COG7: variants seen among roughly 807,000 people sequenced by gnomAD.
The protein encoded by COG7 is conserved oligomeric Golgi complex subunit 7.
A neutral mutation model predicts 91.5 loss-of-function variants in COG7; 49 were observed. The observed-to-expected ratio is 0.54, with a 90% CI of 0.43 to 0.68. The LOEUF is 0.68. Ranked by LOEUF, COG7 falls within the 30% of genes least tolerant of loss-of-function variation. The pLI is 0.00. For synonymous variants in COG7, 365 were observed against 388.7 expected (o/e 0.94, Z 0.72); for missense variants, 895 against 961.3 (o/e 0.93, Z 0.91).
intron 6 of COG7, among the ~76,000 whole-genome samples, chr16:23,429,103 C>T (rs978833789): frequency 3.3e-5 from 5 of 152,126 alleles, no homozygotes; most frequent in African/African-American, 1.2e-4. Context: ...GATCCTCCCA[C>T]CTCAGCCTCC....
At chr16:23,427,690 G>A (rs528951768) in intron 6 of COG7, among the ~76,000 whole-genome samples, 1 of 152,050 alleles carries the variant, frequency 6.6e-6, no homozygotes, top group African/African-American at 2.4e-5. Context: ...ATTGAACCAG[G>A]ATGAAAACTG....
At chr16:23,437,999 C>A (rs902358262) in intron 4 of COG7, among the ~76,000 whole-genome samples, 5 of 150,620 alleles carry the variant, frequency 3.3e-5, no homozygotes, top group African/African-American at 9.8e-5. Flanking sequence ...GCAGGAGAAT[C>A]GCTTGAACCC....
chr16:23,419,182 G>T lies in COG7; in HGVS notation c.1010-355C>A, dbSNP rs1963709006. 2.0e-5 allele frequency among the ~76,000 whole-genome samples: 3 copies of T among 152,030 alleles called. No individual in the cohort carries two copies. The South Asian group carries it at 6.2e-4, about 32-fold the overall frequency. On this transcript the variant is annotated intron_variant, in intron 7 of 16. Transcript: ENST00000307149. ...ACACTTTGGGAGGCCGAGGCGGGCG[G>T]ATCAACTGAGGTCAGAAGTTTGAGA...
intron 6 of COG7, among the ~76,000 whole-genome samples, chr16:23,427,288 G>A (rs886560635): frequency 3.3e-5 from 5 of 151,888 alleles, no homozygotes; most frequent in Non-Finnish European, 7.4e-5. Context: ...AACCAGGCTA[G>A]GCGCGGCGGC....
intron 12 of COG7, 120 bp downstream of exon 12, chr16:23,405,956 A>T: frequency 1.2e-6 from 1 of 852,580 alleles, no homozygotes; most frequent in East Asian, 2.4e-5. Flanking sequence ...GAGAGGTAGT[A>T]GCAGGGTACG....
intron 4 of COG7, among the ~76,000 whole-genome samples, chr16:23,435,729 T>C (rs530933364): frequency 6.6e-6 from 1 of 152,368 alleles, no homozygotes; most frequent in Admixed American, 6.5e-5. Context: ...ATTTGCTCTG[T>C]TCCCCTTCAC....
At chr16:23,444,225 G>GT (rs1241896170) in intron 3 of COG7, among the ~76,000 whole-genome samples, 5 of 151,636 alleles carry the variant, frequency 3.3e-5, no homozygotes, top group Admixed American at 3.3e-4. Flanking sequence ...TTATTCCTGT[G>GT]TAATAAATTT....
Position 23,413,483 on chromosome 16 carries a change from G to A in COG7, c.1374C>T (p.Phe458=), listed in dbSNP as rs765392970. ...TCTGAAAAGCCGTCCAATCTTCCTG[G>A]AAGAGGGAGTTGGGAGGAATGTGGT... The part of the protein sequence containing the change: ...KLDHIPPNSL[F]QEDWTAFQNS... The change falls in exon 10 of 17, where the codon TTC becomes TTT. Residue 458 remains phenylalanine, a synonymous_variant. Coordinates refer to ENST00000307149, the MANE Select transcript of COG7 (RefSeq NM_153603.4). The A allele has an allele frequency of 1.3e-5, 21 of 1,611,226 alleles. 1 individual carries two copies. The South Asian group carries it at 2.2e-4, about 17-fold the overall frequency.
chr16:23,438,746 A>C (rs539335895), intron 4 of COG7, among the ~76,000 whole-genome samples: 1 of 152,094 alleles, frequency 6.6e-6, no homozygotes, highest in Non-Finnish European at 1.5e-5. Context: ...AAAACAAAAA[A>C]TGACAAGGGT....
intron 11 of COG7, among the ~76,000 whole-genome samples, chr16:23,408,651 T>G (rs1020176612): frequency 2.6e-5 from 4 of 152,026 alleles, no homozygotes; most frequent in African/African-American, 9.7e-5. Flanking sequence ...CTGCTGTTCC[T>G]AACTCACTCC....
At chr16:23,435,267 T>G (rs1963996651) in intron 4 of COG7, among the ~76,000 whole-genome samples, 1 of 152,124 alleles carries the variant, frequency 6.6e-6, no homozygotes, top group Admixed American at 6.6e-5. Flanking sequence ...CTTGGGAGGC[T>G]GAGGGAGGAG....
intron 7 of COG7, among the ~76,000 whole-genome samples, chr16:23,420,221 G>C (rs114881984): frequency 8.6e-4 from 131 of 152,324 alleles, no homozygotes; most frequent in African/African-American, 2.9e-3. Flanking sequence ...CGCTGTATCA[G>C]AATGTAAATG....
intron 6 of COG7, among the ~76,000 whole-genome samples, chr16:23,431,987 ATTT>A (rs1491442751): frequency 6.6e-6 from 1 of 151,710 alleles, no homozygotes; most frequent in South Asian, 2.1e-4. Flanking sequence ...TACAAAAAAA[ATTT>A]TTTTTAATTA....
At position 23,418,796 on chromosome 16, in the gene COG7, C is replaced by T; in HGVS notation, c.1041G>A (p.Leu347=). 6.2e-7 allele frequency: 1 copy of T among 1,613,702 alleles called. No individual in the cohort carries two copies. The highest frequency in any genetic ancestry group is 8.5e-7 in the Non-Finnish European group (1 of 1,179,626). The change falls in exon 8 of 17, where the codon CTG becomes CTA. Residue 347 remains leucine (L), a synonymous_variant. Coordinates refer to ENST00000307149, the MANE Select transcript of COG7 (RefSeq NM_153603.4). ...TGTATGGATCATACACAGCATCCAC[C>T]AGCTCCGTGACTTTTACCAGATTGT... ...HEHNLVKVTE[L]VDAVYDPYKP...
intron 5 of COG7, 125 bp from the exon 6 acceptor site, chr16:23,433,792 A>T: frequency 2.0e-6 from 2 of 991,948 alleles, no homozygotes; most frequent in African/African-American, 1.6e-5. Flanking sequence ...CAGCCCAGTG[A>T]GGTCCATTCA....
chr16:23,442,709 G>C (rs1170783025), intron 3 of COG7, 64 bp from the exon 4 acceptor site: 1 of 1,404,954 alleles, frequency 7.1e-7, no homozygotes, highest in East Asian at 2.3e-5. Flanking sequence ...ATTGGGAATA[G>C]ATAAAATACA....
At chr16:23,411,964 T>C (rs1963570612) in intron 10 of COG7, among the ~76,000 whole-genome samples, 1 of 149,750 alleles carries the variant, frequency 6.7e-6, no homozygotes, top group Non-Finnish European at 1.5e-5. Flanking sequence ...CACTGCAACC[T>C]CCACCTCCCA....
rs193937 is a variant in COG7, at chr16:23,425,037, C to T, written c.811-90G>A. On this transcript the variant is annotated intron_variant, in intron 6 of 16. Transcript: ENST00000307149. The stretch of plus-strand genomic sequence containing the variant: ...AAAAACTTTTTTGAGATGCCAGGCA[C>T]GGTGGCTTATGCCTATAATCCCAGC... 255,533 of 1,116,468 alleles carry T rather than the reference C, an allele frequency of 0.23. 32,303 individuals are homozygous for T. The highest frequency in any genetic ancestry group is 0.44 in the African/African-American group (28,782 of 64,798). The allele number at this position is 1,116,468 out of a possible 1,614,324, so 69.2% of individuals were successfully genotyped here. A position where few individuals can be genotyped will look rare whatever the true frequency, so the allele number is the denominator to read the frequency against.
chr16:23,406,154 T>C lies in COG7; in HGVS notation c.1584A>G (p.Pro528=), dbSNP rs1963457276. 2 of 1,613,966 alleles carry C rather than the reference T, an allele frequency of 1.2e-6. No homozygotes were observed. ...LTDKKNSAKN[P]WQEYNYLQKD... The stretch of plus-strand genomic sequence containing the variant: ...TCTGGAGGTAATTATATTCTTGCCA[T>C]GGGTTCTTGGCAGAGTTCTTCTTGT... Residue 528 remains proline (P), a synonymous_variant, in exon 12 of 17, where the codon CCA becomes CCG. Coordinates refer to ENST00000307149, the MANE Select transcript of COG7 (RefSeq NM_153603.4).
Sources: gnomAD v4.1 joint callset for allele counts (sites outside exome capture counted in the v4.1 genomes callset) on GRCh38, gnomAD v4.1.1 for gene constraint, MANE v1.5 for transcripts, NCBI Gene and HGNC (gene_info 2026-07-23, HGNC 2026-07-21) for gene names.